DLC1: variants seen among roughly 807,000 people sequenced by gnomAD.
DLC1 encodes the protein DLC1 Rho GTPase activating protein, also known as rho GTPase-activating protein 7.
Under a neutral mutation model 140.3 loss-of-function variants are expected in DLC1, and 54 were observed. The ratio of observed to expected loss-of-function variants is 0.38; its 90% CI spans 0.31 to 0.48. DLC1 has a LOEUF of 0.48. DLC1 is among the 20% of genes least tolerant of loss of function. The pLI is 0.96. For missense variants in DLC1, 2,536 were observed against 1,907.0 expected, an observed-to-expected ratio of 1.33 and a Z score of -6.14; for synonymous variants, 986 against 728.1, an observed-to-expected ratio of 1.35 and a Z score of -5.70.
chr8:13,345,495 G>C (rs1346537237), intron 4 of DLC1, among the ~76,000 whole-genome samples: 3 of 147,468 alleles, frequency 2.0e-5, no homozygotes, highest in Non-Finnish European at 4.5e-5. Context: ...TCTTGGAAGA[G>C]ATACTGAGCA....
At chr8:13,310,210 T>G (rs1250646139) in intron 4 of DLC1, among the ~76,000 whole-genome samples, 1 of 152,234 alleles carries the variant, frequency 6.6e-6, no homozygotes. Context: ...CTTTCTCTTT[T>G]TATAGTCAGA....
intron 1 of DLC1, among the ~76,000 whole-genome samples, chr8:13,587,128 A>T (rs1222186640): frequency 6.7e-6 from 1 of 150,226 alleles, no homozygotes; most frequent in Non-Finnish European, 1.5e-5. Flanking sequence ...GCCTATCCAC[A>T]GATGGTGGCA....
At chr8:13,303,761 C>G (rs939614476) in intron 5 of DLC1, among the ~76,000 whole-genome samples, 1 of 152,108 alleles carries the variant, frequency 6.6e-6, no homozygotes, top group African/African-American at 2.4e-5. Context: ...AAGATCACAC[C>G]ACTGTGCTCC....
intron 2 of DLC1, among the ~76,000 whole-genome samples, chr8:13,490,711 C>A (rs929343423): frequency 6.6e-6 from 1 of 152,106 alleles, no homozygotes; most frequent in Non-Finnish European, 1.5e-5. Flanking sequence ...TTACGATGGC[C>A]TCCAATGCAC....
At chr8:13,332,155 A>G (rs911086625) in intron 4 of DLC1, among the ~76,000 whole-genome samples, 2 of 152,250 alleles carry the variant, frequency 1.3e-5, no homozygotes, top group African/African-American at 2.4e-5. Flanking sequence ...ATTAAAAACA[A>G]AACACAAAAC....
At chr8:13,115,135 TG>T (rs1820441499) in intron 6 of DLC1, among the ~76,000 whole-genome samples, 2 of 152,138 alleles carry the variant, frequency 1.3e-5, no homozygotes, top group South Asian at 4.1e-4. Context: ...TACACAATGG[TG>T]TATTACACAG....
At chr8:13,280,056 G>A (rs918571095) in intron 5 of DLC1, among the ~76,000 whole-genome samples, 2 of 151,452 alleles carry the variant, frequency 1.3e-5, no homozygotes, top group African/African-American at 2.4e-5. Context: ...GAGGTGCATG[G>A]ATCATGAGGT....
chr8:13,160,599 T>C (rs954982112), intron 5 of DLC1, among the ~76,000 whole-genome samples: 1 of 152,178 alleles, frequency 6.6e-6, no homozygotes, highest in Non-Finnish European at 1.5e-5. Context: ...TTCCTCTCTC[T>C]CTCTTACCTG....
intron 2 of DLC1, among the ~76,000 whole-genome samples, chr8:13,457,100 G>A (rs1212162037): frequency 6.6e-6 from 1 of 152,098 alleles, no homozygotes; most frequent in Non-Finnish European, 1.5e-5. Flanking sequence ...CCTTTTGGTT[G>A]CACTTAGTAT....
intron 5 of DLC1, among the ~76,000 whole-genome samples, chr8:13,244,347 G>C (rs774562559): frequency 6.6e-6 from 1 of 150,548 alleles, no homozygotes; most frequent in Non-Finnish European, 1.5e-5. Context: ...GTTCAGACTG[G>C]AGTGCAGTGG....
chr8:13,112,423 G>T (rs543281894), intron 6 of DLC1, among the ~76,000 whole-genome samples: 3 of 151,402 alleles, frequency 2.0e-5, no homozygotes, highest in African/African-American at 7.3e-5. Flanking sequence ...TTTTTTTTCT[G>T]AAGGCTACAG....
chr8:13,498,735 C>A (rs1204194394), intron 2 of DLC1: 1 of 221,142 alleles, frequency 4.5e-6, no homozygotes, highest in African/African-American at 2.3e-5. Flanking sequence ...CCTTGAATTG[C>A]ATGTCTATGA....
At chr8:13,233,390 C>T (rs900070592) in intron 5 of DLC1, among the ~76,000 whole-genome samples, 2 of 150,130 alleles carry the variant, frequency 1.3e-5, no homozygotes, top group South Asian at 4.2e-4. Flanking sequence ...GGTTTACAAC[C>T]CTTGGCCATT....
chr8:13,210,148 G>C (rs1827869752), intron 5 of DLC1, among the ~76,000 whole-genome samples: 1 of 152,112 alleles, frequency 6.6e-6, no homozygotes, highest in African/African-American at 2.4e-5. Flanking sequence ...TTGGAAACTT[G>C]TTGCCCATGT....
At chr8:13,178,253 C>A (rs956567435) in intron 5 of DLC1, among the ~76,000 whole-genome samples, 2 of 152,066 alleles carry the variant, frequency 1.3e-5, no homozygotes, top group African/African-American at 4.8e-5. Context: ...AGGCAACCCC[C>A]CAAAAAAACT....
At chr8:13,196,266 C>A (rs1487016618) in intron 5 of DLC1, among the ~76,000 whole-genome samples, 1 of 152,088 alleles carries the variant, frequency 6.6e-6, no homozygotes, top group Non-Finnish European at 1.5e-5. Context: ...AATGATAATA[C>A]AAGTATGCTA....
chr8:13,187,584 A>C (rs190750032), intron 5 of DLC1, among the ~76,000 whole-genome samples: 3 of 152,350 alleles, frequency 2.0e-5, no homozygotes, highest in Admixed American at 2.0e-4. Context: ...GAGGAGACGC[A>C]GAGAAAGACA....
At chr8:13,552,108 G>T (rs1187059721) in intron 1 of DLC1, among the ~76,000 whole-genome samples, 10 of 20,508 alleles carry the variant, frequency 4.9e-4, no homozygotes, top group Admixed American at 1.4e-3. Context: ...CCTGTCTAGA[G>T]GTGTATATAT....
chr8:13,140,705 T>C (rs1822915946), intron 5 of DLC1, among the ~76,000 whole-genome samples: 1 of 152,156 alleles, frequency 6.6e-6, no homozygotes, highest in Non-Finnish European at 1.5e-5. Context: ...TCAAACAAAA[T>C]TTAAAGGTCT....
Sources: allele counts gnomAD v4.1 joint callset (sites outside exome capture counted in the v4.1 genomes callset), GRCh38; gene constraint gnomAD v4.1.1; transcripts MANE v1.5; gene names NCBI Gene and HGNC (gene_info 2026-07-23, HGNC 2026-07-21).